The following ADK variants were observed in gnomAD, a reference collection of about 807,000 sequenced individuals.
ADK encodes the protein adenosine kinase.
A neutral mutation model predicts 44.7 loss-of-function variants in ADK; 24 were observed. That is an observed-to-expected ratio of 0.54 (90% CI 0.39 to 0.76). ADK has a LOEUF of 0.76. Among genes scored for constraint, ADK ranks in the 30% least tolerant of loss-of-function variants. ADK has a pLI of 0.00. For missense variants in ADK, 321 were observed against 425.1 expected, an observed-to-expected ratio of 0.76 and a Z score of 2.15; for synonymous variants, 128 against 142.6, an observed-to-expected ratio of 0.90 and a Z score of 0.73.
At chr10:74,266,784 A>G (rs554871482) in intron 3 of ADK, among the ~76,000 whole-genome samples, 1 of 152,306 alleles carries the variant, frequency 6.6e-6, no homozygotes, top group African/African-American at 2.4e-5. Flanking sequence ...TTGTATATAA[A>G]AAGGTATTTT....
chr10:74,279,009 G>C (rs1232222555), intron 3 of ADK, among the ~76,000 whole-genome samples: 1 of 152,058 alleles, frequency 6.6e-6, no homozygotes, highest in Admixed American at 6.6e-5. Flanking sequence ...AGCTGGGCGC[G>C]GTGGCTCACG....
intron 9 of ADK, among the ~76,000 whole-genome samples, chr10:74,663,110 G>A (rs968360503): frequency 2.0e-5 from 3 of 151,696 alleles, no homozygotes; most frequent in East Asian, 1.9e-4. Context: ...AGTGGTGCAC[G>A]CCTGTAATCC....
At chr10:74,544,555 C>T (rs1050419206) in intron 7 of ADK, among the ~76,000 whole-genome samples, 1 of 152,018 alleles carries the variant, frequency 6.6e-6, no homozygotes, top group African/African-American at 2.4e-5. Flanking sequence ...AATGAAAGCA[C>T]AGATAAAATT....
chr10:74,367,510 G>C (rs1842532440), intron 4 of ADK, among the ~76,000 whole-genome samples: 1 of 152,170 alleles, frequency 6.6e-6, no homozygotes, highest in African/African-American at 2.4e-5. Context: ...TAAAGGCCAT[G>C]GTCATTGATT....
At position 74,608,518 on chromosome 10, in the gene ADK, G is replaced by T. The variant is rs1403229916; in HGVS notation, c.877+8025G>T. Reference sequence around the variant, plus strand: ...TGCAGGTCTGCTGGAGTTTTCTGGAGGTCCACTCCAGACCCTGTTTGCCTG... The same window carrying T: ...TGCAGGTCTGCTGGAGTTTTCTGGATGTCCACTCCAGACCCTGTTTGCCTG... On this transcript the variant is annotated intron_variant, in intron 9 of 10. Transcript: ENST00000539909. Among the ~76,000 whole-genome samples, 3 of 152,054 alleles carry T rather than the reference G, an allele frequency of 2.0e-5. No homozygotes were observed. In the East Asian group the frequency reaches 5.8e-4, roughly 29 times the overall value.
intron 9 of ADK, among the ~76,000 whole-genome samples, chr10:74,648,373 T>C (rs538547489): frequency 8.5e-5 from 13 of 152,286 alleles, no homozygotes; most frequent in African/African-American, 3.1e-4. Flanking sequence ...TAACTCTTCT[T>C]TCATTCATGA....
intron 6 of ADK, among the ~76,000 whole-genome samples, chr10:74,435,437 A>G (rs1364456864): frequency 2.6e-5 from 4 of 152,194 alleles, no homozygotes; most frequent in African/African-American, 9.6e-5. Context: ...GTGGTTAGTA[A>G]ATGGGGAGAT....
chr10:74,465,100 A>G (rs1846306118), intron 6 of ADK, among the ~76,000 whole-genome samples: 1 of 152,180 alleles, frequency 6.6e-6, no homozygotes, highest in South Asian at 2.1e-4. Flanking sequence ...AAAACAGAAA[A>G]GAGTGTTCAG....
chr10:74,479,400 T>G (rs1038904653), intron 6 of ADK, among the ~76,000 whole-genome samples: 10 of 151,400 alleles, frequency 6.6e-5, no homozygotes, highest in African/African-American at 2.4e-4. Context: ...TGTTGGTTTT[T>G]TTTTTTTTTT....
chr10:74,626,234 C>T (rs549962415), intron 9 of ADK, among the ~76,000 whole-genome samples: 111 of 151,916 alleles, frequency 7.3e-4, no homozygotes, highest in Non-Finnish European at 3.4e-4. Flanking sequence ...GTTTAAGGGT[C>T]CAGAAATCAA....
intron 9 of ADK, among the ~76,000 whole-genome samples, chr10:74,626,302 ATTTT>A (rs571501922): frequency 7.2e-6 from 1 of 139,818 alleles, no homozygotes; most frequent in Admixed American, 7.2e-5. Flanking sequence ...AAGAGTCTAA[ATTTT>A]TTTTTTTTTT....
At chr10:74,500,440 T>C (rs1847850059) in intron 6 of ADK, among the ~76,000 whole-genome samples, 1 of 152,226 alleles carries the variant, frequency 6.6e-6, no homozygotes, top group Admixed American at 6.5e-5. Flanking sequence ...CCTGGAGGGC[T>C]TGGGAAAACA....
At chr10:74,178,846 T>C (rs77499881) in intron 1 of ADK, among the ~76,000 whole-genome samples, 1 of 152,368 alleles carries the variant, frequency 6.6e-6, no homozygotes, top group African/African-American at 2.4e-5. Flanking sequence ...TATTACATTT[T>C]ACACCTGAGG....
intron 3 of ADK, among the ~76,000 whole-genome samples, chr10:74,249,186 A>C (rs1474022492): frequency 6.6e-6 from 1 of 152,190 alleles, no homozygotes; most frequent in Non-Finnish European, 1.5e-5. Flanking sequence ...TCTTAATTTA[A>C]CAAAGTATTT....
At chr10:74,178,819 A>G (rs1237016876) in intron 1 of ADK, among the ~76,000 whole-genome samples, 1 of 152,214 alleles carries the variant, frequency 6.6e-6, no homozygotes, top group African/African-American at 2.4e-5. Context: ...GCTCTTTTAG[A>G]TGTTATTTAA....
intron 10 of ADK, among the ~76,000 whole-genome samples, chr10:74,698,688 C>T (rs1349293680): frequency 6.6e-6 from 1 of 151,926 alleles, no homozygotes; most frequent in Non-Finnish European, 1.5e-5. Context: ...GAGTAAGTAG[C>T]TGAGACTACA....
In ADK at chr10:74,589,262, C is replaced by CTTTTTT. The variant is rs112610475; in HGVS notation, c.727-13_727-8dup. On this transcript the variant is annotated intron_variant, in intron 7 of 10. Transcript: ENST00000539909. ...ACCGAGCACTTTATAATTAACTGTT[C>CTTTTTT]TTTTTTTTTTTTATTTCAGGAAGCT... 2 of 1,287,098 alleles carry CTTTTTT rather than the reference C, an allele frequency of 1.6e-6. No homozygotes were observed. Among genetic ancestry groups the CTTTTTT allele is most frequent in the South Asian group, 1.3e-5 (1 of 76,606 alleles). The allele number at this position is 1,287,098 out of a possible 1,614,324, so 79.7% of individuals were successfully genotyped here. A position where few individuals can be genotyped will look rare whatever the true frequency, so the allele number is the denominator to read the frequency against.
chr10:74,199,380 C>T (rs776075378), intron 1 of ADK, among the ~76,000 whole-genome samples: 11 of 152,146 alleles, frequency 7.2e-5, no homozygotes, highest in South Asian at 4.1e-4. Flanking sequence ...TCTTTTGTCC[C>T]GACATCTTTG....
chr10:74,447,644 C>G (rs1845631158), intron 6 of ADK, among the ~76,000 whole-genome samples: 1 of 152,082 alleles, frequency 6.6e-6, no homozygotes, highest in African/African-American at 2.4e-5. Context: ...ATTCTGAAGG[C>G]TTCGCTAATA....
Sources: gnomAD v4.1 joint callset for allele counts (sites outside exome capture counted in the v4.1 genomes callset) on GRCh38, gnomAD v4.1.1 for gene constraint, MANE v1.5 for transcripts, NCBI Gene and HGNC (gene_info 2026-07-23, HGNC 2026-07-21) for gene names.